Variants in ABCG5 observed in about 807,000 individuals in gnomAD.
ABCG5 encodes the protein ATP-binding cassette sub-family G member 5.
ABCG5 carries 64 observed loss-of-function variants against 64.5 expected under a neutral mutation model. That is an observed-to-expected ratio of 0.99 (90% CI 0.81 to 1.22). The LOEUF is 1.22. ABCG5 is among the 50% of genes most tolerant of loss of function. The pLI, the probability that ABCG5 is intolerant of heterozygous loss-of-function variation, is 0.00. For missense variants in ABCG5, 908 were observed against 829.5 expected (o/e 1.09, Z -1.16); for synonymous variants, 385 against 326.3 (o/e 1.18, Z -1.94).
At chr2:43,823,596 A>G (rs1227414840) in intron 9 of ABCG5, among the ~76,000 whole-genome samples, 6 of 152,108 alleles carry the variant, frequency 3.9e-5, no homozygotes, top group Non-Finnish European at 8.8e-5. Context: ...TGAGCACCCC[A>G]TGGGCTGTGC....
In ABCG5 at chr2:43,824,336, A is replaced by G. The variant is rs1171117803; in HGVS notation, c.1001T>C (p.Ile334Thr). The change falls in exon 8 of 13, where the codon ATT becomes ACT. Residue 334 changes from isoleucine to threonine, a missense_variant. Coordinates refer to ENST00000405322, the MANE Select transcript of ABCG5 (RefSeq NM_022436.3). ...MIESAYKKSA[I>T]CHKTLKNIER... ...AATATTCTTCAAAGTTTTATGACAA[A>G]TTGCTGATTTCTTGTAGGCAGATTC... is the stretch of plus-strand genomic sequence containing the variant. 3 of 1,614,146 alleles carry G rather than the reference A, an allele frequency of 1.9e-6. No homozygotes were observed. The highest frequency in any genetic ancestry group is 2.5e-6 in the Non-Finnish European group (3 of 1,180,046).
intron 11 of ABCG5, among the ~76,000 whole-genome samples, chr2:43,815,255 C>T (rs780434244): frequency 3.3e-5 from 5 of 152,208 alleles, no homozygotes; most frequent in African/African-American, 1.2e-4. Flanking sequence ...ACACTGTGGT[C>T]TTCTTAGTCC....
At chr2:43,809,940 A>G, downstream of ABCG5, 3 of 1,342,158 alleles carry the variant, frequency 2.2e-6, no homozygotes, top group Non-Finnish European at 2.9e-6. Flanking sequence ...AGCTTTTTAA[A>G]AGGAAAAATT....
At chr2:43,810,244 G>C, downstream of ABCG5, 3 of 572,652 alleles carry the variant, frequency 5.2e-6, no homozygotes, top group Non-Finnish European at 6.6e-6. Context: ...ACCTGAAATA[G>C]GAGATGCACA....
At chr2:43,820,376 A>G (rs190510244) in intron 10 of ABCG5, among the ~76,000 whole-genome samples, 18 of 152,300 alleles carry the variant, frequency 1.2e-4, no homozygotes, top group Admixed American at 5.9e-4. Context: ...TACTTAGACA[A>G]TGGTCACAAC....
intron 11 of ABCG5, among the ~76,000 whole-genome samples, chr2:43,818,902 T>G (rs1390414009): frequency 1.3e-5 from 2 of 152,164 alleles, no homozygotes; most frequent in Non-Finnish European, 2.9e-5. Flanking sequence ...GAAACTAATT[T>G]AGATAGAAAA....
chr2:43,827,877 A>C lies in ABCG5; in HGVS notation c.634+106T>G, dbSNP rs1572778895. The stretch of plus-strand genomic sequence containing the variant: ...GAAAAACCTGTGATTTCAGTTGTAC[A>C]CAAACCCCTTTCCAAATGAGGACCG... On this transcript the variant is annotated intron_variant, in intron 5 of 12. Transcript: ENST00000405322. 6.5e-6 allele frequency: 10 copies of C among 1,536,416 alleles called. No homozygotes were observed. The East Asian group carries it at 1.2e-4, about 18-fold the overall frequency.
At chr2:43,809,115 A>C (rs1666386047), downstream of ABCG5, among the ~76,000 whole-genome samples, 1 of 151,982 alleles carries the variant, frequency 6.6e-6, no homozygotes, top group Non-Finnish European at 1.5e-5. Context: ...CAGACTCCCA[A>C]GTAGCTGGGA....
Position 43,819,773 on chromosome 2 carries a change from C to T in ABCG5, c.1649+142G>A, listed in dbSNP as rs116468336. ...GTTCAAGGTCTAAGGCAATGATTAA[C>T]GAGCAGTATAAATGCTCTAGACTAT... On this transcript the variant is annotated intron_variant, in intron 11 of 12. Transcript: ENST00000405322. 2.1e-3 allele frequency: 1,882 copies of T among 880,246 alleles called. 20 individuals are homozygous for T. In the African/African-American group the frequency reaches 0.028, roughly 13 times the overall value. The allele number at this position is 880,246 out of a possible 1,614,324, so 54.5% of individuals were successfully genotyped here. A position where few individuals can be genotyped will look rare whatever the true frequency, so the allele number is the denominator to read the frequency against.
intron 4 of ABCG5, among the ~76,000 whole-genome samples, chr2:43,831,293 C>A (rs1238220464): frequency 2.0e-5 from 3 of 152,150 alleles, no homozygotes; most frequent in African/African-American, 7.2e-5. Context: ...CTGCCTCAGC[C>A]TCCTTAGCAG....
At chr2:43,837,804 C>G (rs1668373660) in intron 2 of ABCG5, 30 bp downstream of exon 2, 1 of 1,613,052 alleles carries the variant, frequency 6.2e-7, no homozygotes, top group Non-Finnish European at 8.5e-7. Flanking sequence ...CAAGCCAAAT[C>G]CTTTTTAGAA....
chr2:43,826,029 G>T (rs1461815559), intron 6 of ABCG5, among the ~76,000 whole-genome samples: 3 of 152,136 alleles, frequency 2.0e-5, no homozygotes, highest in Non-Finnish European at 2.9e-5. Context: ...AGGCTAGAGT[G>T]CAATGGCATG....
downstream of ABCG5, among the ~76,000 whole-genome samples, chr2:43,808,521 A>G (rs992178696): frequency 6.6e-6 from 1 of 152,220 alleles, no homozygotes; most frequent in African/African-American, 2.4e-5. Context: ...TTATTTAGAC[A>G]TTGAACAACA....
At position 43,824,296 on chromosome 2, in the gene ABCG5, G is replaced by A. The variant is rs1191247214; in HGVS notation, c.1041C>T (p.His347=). ...KTLKNIERMK[H]LKTLPMVPFK... ...AAGGAACCATTGGTAACGTTTTCAG[G>A]TGTTTCATTCTTTCAATATTCTTCA... Residue 347 remains histidine, a synonymous_variant, in exon 8 of 13, where the codon CAC becomes CAT. Coordinates refer to ENST00000405322, the MANE Select transcript of ABCG5 (RefSeq NM_022436.3). 1 of 1,614,152 alleles carries A rather than the reference G, an allele frequency of 6.2e-7. No individual in the cohort carries two copies. Among genetic ancestry groups the A allele is most frequent in the Non-Finnish European group, 8.5e-7 (1 of 1,180,032 alleles).
At chr2:43,830,000 A>G (rs1667866381) in intron 4 of ABCG5, among the ~76,000 whole-genome samples, 1 of 152,232 alleles carries the variant, frequency 6.6e-6, no homozygotes, top group African/African-American at 2.4e-5. Flanking sequence ...TTCTCTTGCC[A>G]TCAGGGTAGA....
At chr2:43,836,263 T>C (rs933367491) in intron 2 of ABCG5, among the ~76,000 whole-genome samples, 15 of 152,094 alleles carry the variant, frequency 9.9e-5, no homozygotes, top group Non-Finnish European at 7.4e-5. Context: ...TTAACAACAC[T>C]ACTGTTGGCA....
rs200839584 is a variant in ABCG5 at position 43,819,994 on chromosome 2, C to T, written c.1570G>A (p.Val524Ile). ...CTGTTGACTATATTTGGATTTTGGACGATACCAAGTAGCACAAGAGTTAGA... is the reference window on the plus strand; with the variant it reads ...CTGTTGACTATATTTGGATTTTGGATGATACCAAGTAGCACAAGAGTTAGA... Reference protein sequence around the residue: ...EFLTLVLLGIVQNPNIVNSVV... With the variant: ...EFLTLVLLGIIQNPNIVNSVV... The change falls in exon 11 of 13, where the codon GTC becomes ATC. Residue 524 changes from valine (V) to isoleucine (I), a missense_variant. Physicochemically the swap from Val to Ile is conservative, Grantham distance 29. Coordinates refer to ENST00000405322, the MANE Select transcript of ABCG5 (RefSeq NM_022436.3). 6.8e-5 allele frequency: 110 copies of T among 1,614,126 alleles called. No homozygotes were observed. The highest frequency in any genetic ancestry group is 2.7e-4 in the Admixed American group (16 of 60,014).
chr2:43,810,425 AT>A, downstream of ABCG5: 1 of 985,356 alleles, frequency 1.0e-6, no homozygotes, highest in Non-Finnish European at 1.2e-6. Flanking sequence ...ACAAAACATC[AT>A]GTGTTGCGGA....
chr2:43,826,370 T>C lies in ABCG5; in HGVS notation c.774+12A>G. On this transcript the variant is annotated intron_variant, in intron 6 of 12. Coordinates refer to ENST00000405322, the MANE Select transcript of ABCG5 (RefSeq NM_022436.3). Reference sequence around the variant, plus strand: ...CACCATAGACCCGGCCTTTACGAGTTGAACCTCTTACCTGAAAAAGCTCAG... The same window carrying C: ...CACCATAGACCCGGCCTTTACGAGTCGAACCTCTTACCTGAAAAAGCTCAG... 1 of 1,613,892 alleles carries C rather than the reference T, an allele frequency of 6.2e-7. No homozygotes were observed. Among genetic ancestry groups the C allele is most frequent in the East Asian group, 2.2e-5 (1 of 44,872 alleles).
Sources: gnomAD v4.1 joint callset for allele counts (sites outside exome capture counted in the v4.1 genomes callset) on GRCh38, gnomAD v4.1.1 for gene constraint, MANE v1.5 for transcripts, NCBI Gene and HGNC (gene_info 2026-07-23, HGNC 2026-07-21) for gene names.